The following SRGAP2C variants were observed in gnomAD, a reference collection of about 807,000 sequenced individuals.
SRGAP2C encodes SLIT-ROBO Rho GTPase activating protein 2C.
SRGAP2C carries 15 observed loss-of-function variants against 25.1 expected under a neutral mutation model. The observed-to-expected ratio is 0.60, with a 90% CI of 0.40 to 0.92. SRGAP2C has a LOEUF of 0.92. SRGAP2C is among the 40% of genes least tolerant of loss of function. SRGAP2C has a pLI of 0.00. For missense variants in SRGAP2C, 144 were observed against 264.4 expected, an observed-to-expected ratio of 0.54 and a Z score of 3.16; for synonymous variants, 44 against 96.6, an observed-to-expected ratio of 0.46 and a Z score of 3.19.
At position 121,389,453 on chromosome 1, in the gene SRGAP2C, TTTAC is replaced by T. The variant is rs1337788225; in HGVS notation, c.*1601_*1604del. On this transcript the variant is annotated 3_prime_UTR_variant, in exon 10 of 10. Coordinates refer to ENST00000367123, the MANE Select transcript of SRGAP2C (RefSeq NM_001329984.2). ...GTCATGTAAAGGGAGAACTTTCATT[TTTAC>T]TTCATATATATCTAAGCAGTTATAA... The T allele has an allele frequency of 5.1e-5, 4 of 78,534 alleles. No individual in the cohort carries two copies. Among genetic ancestry groups the T allele is most frequent in the Non-Finnish European group, 1.0e-4 (4 of 39,436 alleles). 4.9% of individuals were successfully genotyped at this position (78,534 alleles called of 1,614,324 possible).
chr1:121,317,950 C>T (rs1658126568), intron 3 of SRGAP2C, among the ~76,000 whole-genome samples: 1 of 79,770 alleles, frequency 1.3e-5, no homozygotes, highest in South Asian at 3.3e-4. Flanking sequence ...ATTATTTTTG[C>T]CTTTGGCACT....
chr1:121,295,734 T>TTTGTTGTTG (rs1217576526), intron 3 of SRGAP2C, among the ~76,000 whole-genome samples: 1 of 149,964 alleles, frequency 6.7e-6, no homozygotes, highest in South Asian at 2.1e-4. Flanking sequence ...CTTTTTTGTT[T>TTTGTTGTTG]TTGTTGTTGT....
In SRGAP2C at chr1:121,264,706, C is replaced by T. The variant is rs1385587899; in HGVS notation, c.68-20097C>T. Among the ~76,000 whole-genome samples, 5 of 151,294 alleles carry T rather than the reference C, an allele frequency of 3.3e-5. No homozygotes were observed. The Admixed American group carries it at 3.3e-4, about 10-fold the overall frequency. ...GCAAGCCCCTTGCTGAGCCCTAGAC[C>T]AATTTCTGTATACTCCTACAGCATC... On this transcript the variant is annotated intron_variant, in intron 2 of 9. Coordinates refer to ENST00000367123, the MANE Select transcript of SRGAP2C (RefSeq NM_001329984.2).
chr1:121,233,708 GT>G (rs2101474962), intron 2 of SRGAP2C, among the ~76,000 whole-genome samples: 1 of 135,970 alleles, frequency 7.4e-6, no homozygotes, highest in East Asian at 2.2e-4. Flanking sequence ...CTTTCTCTCT[GT>G]CTCTCTCTCT....
chr1:121,296,551 C>T (rs1265917057), intron 3 of SRGAP2C, among the ~76,000 whole-genome samples: 1 of 34,588 alleles, frequency 2.9e-5, no homozygotes, highest in Non-Finnish European at 5.8e-5. Context: ...AGAAAGTAAA[C>T]TTTCTTGTTT....
chr1:121,228,753 A>G (rs1225118885), intron 2 of SRGAP2C, among the ~76,000 whole-genome samples: 26 of 151,494 alleles, frequency 1.7e-4, no homozygotes, highest in Admixed American at 1.6e-3. Context: ...AAACACTTGA[A>G]TATAGTAATT....
At chr1:121,255,458 C>A (rs201129089) in intron 2 of SRGAP2C, among the ~76,000 whole-genome samples, 1 of 151,704 alleles carries the variant, frequency 6.6e-6, no homozygotes, top group Non-Finnish European at 1.5e-5. Flanking sequence ...CCCTTCATTC[C>A]GTTGATTCTG....
At chr1:121,367,892 G>A (rs1395885077) in intron 5 of SRGAP2C, among the ~76,000 whole-genome samples, 1 of 142,440 alleles carries the variant, frequency 7.0e-6, no homozygotes, top group East Asian at 2.1e-4. Context: ...GGCTAACACG[G>A]TGAAACTCTG....
chr1:121,390,796 T>C lies in SRGAP2C; in HGVS notation c.*2941T>C, dbSNP rs1660052953. ...CGGCTCATGCCTGTAATCCCAGCGCTGTGGGAGCCTGAGGCGGGTGGGTCT... is the reference window on the plus strand; with the variant it reads ...CGGCTCATGCCTGTAATCCCAGCGCCGTGGGAGCCTGAGGCGGGTGGGTCT... On this transcript the variant is annotated 3_prime_UTR_variant, in exon 10 of 10. Coordinates refer to ENST00000367123, the MANE Select transcript of SRGAP2C (RefSeq NM_001329984.2). The C allele has an allele frequency of 6.6e-6, 1 of 151,776 alleles. No homozygotes were observed. The highest frequency in any genetic ancestry group is 1.5e-5 in the Non-Finnish European group (1 of 67,938). The allele number at this position is 151,776 out of a possible 1,614,324, so 9.4% of individuals were successfully genotyped here.
At chr1:121,192,446 A>T (rs1396812744) in intron 2 of SRGAP2C, among the ~76,000 whole-genome samples, 46 of 151,440 alleles carry the variant, frequency 3.0e-4, no homozygotes, top group African/African-American at 1.1e-3. Flanking sequence ...AAACTCTTGG[A>T]AACTTTCAAG....
intron 4 of SRGAP2C, among the ~76,000 whole-genome samples, chr1:121,356,718 A>G (rs1426130203): frequency 9.9e-5 from 15 of 152,054 alleles, no homozygotes; most frequent in Non-Finnish European, 5.9e-5. Flanking sequence ...CAGGGCCTGA[A>G]GACATTACGC....
At chr1:121,347,618 G>A (rs138449313) in intron 4 of SRGAP2C, among the ~76,000 whole-genome samples, 2,613 of 152,282 alleles carry the variant, frequency 0.017, 67 homozygotes, top group African/African-American at 0.06. Context: ...ATATTTGGCT[G>A]CAAAGCCCTA....
intron 2 of SRGAP2C, among the ~76,000 whole-genome samples, chr1:121,187,975 G>A (rs1245523475): frequency 6.6e-6 from 1 of 152,156 alleles, no homozygotes; most frequent in South Asian, 2.1e-4. Context: ...GAGAGGAGGG[G>A]TTTTTCGGAT....
chr1:121,375,994 C>T (rs1462639686), intron 7 of SRGAP2C, among the ~76,000 whole-genome samples: 3 of 149,562 alleles, frequency 2.0e-5, no homozygotes, highest in Non-Finnish European at 4.4e-5. Flanking sequence ...AAGGGGCAAG[C>T]GCAGAGATAA....
chr1:121,227,913 C>T (rs1268710137), intron 2 of SRGAP2C, among the ~76,000 whole-genome samples: 2 of 145,900 alleles, frequency 1.4e-5, no homozygotes, highest in African/African-American at 5.6e-5. Flanking sequence ...ACAAGTCACA[C>T]TATATTTGCA....
At chr1:121,352,464 C>A in intron 4 of SRGAP2C, among the ~76,000 whole-genome samples, 1 of 46,174 alleles carries the variant, frequency 2.2e-5, no homozygotes, top group African/African-American at 8.7e-5. Flanking sequence ...CATTATGAGC[C>A]CCAAACAGGA....
intron 5 of SRGAP2C, among the ~76,000 whole-genome samples, chr1:121,368,247 T>C (rs1659390672): frequency 8.8e-6 from 1 of 113,550 alleles, no homozygotes; most frequent in African/African-American, 3.4e-5. Context: ...ACTAAAAATA[T>C]ATTAAAAACT....
chr1:121,363,982 A>G (rs1553349059), intron 4 of SRGAP2C, among the ~76,000 whole-genome samples: 5 of 151,608 alleles, frequency 3.3e-5, no homozygotes, highest in Non-Finnish European at 7.4e-5. Flanking sequence ...AAAAAAAAGT[A>G]TTTTTTAAGT....
chr1:121,283,802 C>A (rs1434646962), intron 2 of SRGAP2C, among the ~76,000 whole-genome samples: 1 of 151,842 alleles, frequency 6.6e-6, no homozygotes, highest in East Asian at 1.9e-4. Flanking sequence ...GAAAATCAGT[C>A]TGGCTTTGGC....
Sources: allele counts gnomAD v4.1 joint callset (sites outside exome capture counted in the v4.1 genomes callset), GRCh38; gene constraint gnomAD v4.1.1; transcripts MANE v1.5; gene names NCBI Gene and HGNC (gene_info 2026-07-23, HGNC 2026-07-21).